The following FHL5 variants were observed in gnomAD, a reference collection of about 807,000 sequenced individuals.
FHL5 encodes four and a half LIM domains protein 5.
In FHL5, 33 loss-of-function variants were observed where a neutral mutation model predicts 32.0. That is an observed-to-expected ratio of 1.03 (90% CI 0.78 to 1.38). FHL5 has a LOEUF of 1.38. Ranked by LOEUF, FHL5 falls within the 40% of genes most tolerant of loss-of-function variation. The probability of loss-of-function intolerance (pLI) is 0.00; values close to 1 mark genes in which losing one functional copy is unlikely to be tolerated. For missense variants in FHL5, 336 were observed against 343.9 expected, an observed-to-expected ratio of 0.98 and a Z score of 0.18; for synonymous variants, 114 against 113.6, an observed-to-expected ratio of 1.00 and a Z score of -0.02.
chr6:96,607,224 T>C (rs893764218), intron 4 of FHL5, among the ~76,000 whole-genome samples: 9 of 152,172 alleles, frequency 5.9e-5, no homozygotes, highest in South Asian at 4.2e-4. Flanking sequence ...AAGTTTAAAA[T>C]GACACCATAA....
intron 1 of FHL5, among the ~76,000 whole-genome samples, chr6:96,596,107 T>G (rs1771028082): frequency 6.6e-6 from 1 of 152,028 alleles, no homozygotes; most frequent in South Asian, 2.1e-4. Context: ...AACTAAAACC[T>G]AAGAGTTTTA....
Position 96,617,151 on chromosome 6 carries a change from A to G in FHL5, c.*1379A>G, listed in dbSNP as rs1339303585. ...CTTGCTACCCCTGGATATTTTCCAC[A>G]TTACTTGGGACAAATGGAAAGCAAC... On this transcript the variant is annotated 3_prime_UTR_variant, in exon 6 of 6. Coordinates refer to ENST00000450218, the MANE Select transcript of FHL5 (RefSeq NM_001322466.2). 6.6e-6 allele frequency among the ~76,000 whole-genome samples: 1 copy of G among 152,196 alleles called. No homozygotes were observed. Among genetic ancestry groups the G allele is most frequent in the Non-Finnish European group, 1.5e-5 (1 of 68,026 alleles).
At chr6:96,599,563 T>G (rs1771108159) in intron 1 of FHL5, among the ~76,000 whole-genome samples, 2 of 152,294 alleles carry the variant, frequency 1.3e-5, no homozygotes, top group South Asian at 4.1e-4. Context: ...CCAAGTCTAT[T>G]CACGCCATTG....
At chr6:96,602,422 G>GTTCC (rs1562062425) in intron 1 of FHL5, among the ~76,000 whole-genome samples, 1 of 26,584 alleles carries the variant, frequency 3.8e-5, no homozygotes, top group African/African-American at 1.1e-4. Context: ...TATATGCGTT[G>GTTCC]TTTCTTTTTT....
Position 96,610,613 on chromosome 6 carries a change from G to A in FHL5, c.546G>A (p.Trp182Ter). The A allele has an allele frequency of 2.5e-6, 4 of 1,613,996 alleles. No homozygotes were observed. The highest frequency in any genetic ancestry group is 2.2e-5 in the East Asian group (1 of 44,872). Residue 182 changes from tryptophan (W) to a stop codon, truncating the protein, a stop_gained, in exon 5 of 6, where the codon TGG (tryptophan) becomes TGA (stop). Coordinates refer to ENST00000450218, the MANE Select transcript of FHL5 (RefSeq NM_001322466.2). LOFTEE classifies it high-confidence loss of function. ...SGGITFCDQL[W>*]HKECFLCSGC... is the part of the protein sequence containing the mutation. ...GGATAACATTTTGTGACCAGCTATG[G>A]CATAAAGAGTGTTTTCTGTGTAGTG...
At chr6:96,606,383 G>A (rs1385550334) in intron 4 of FHL5, among the ~76,000 whole-genome samples, 2 of 151,808 alleles carry the variant, frequency 1.3e-5, no homozygotes, top group African/African-American at 4.8e-5. Context: ...ATGGAATCTC[G>A]CTCTGTCACC....
Position 96,610,708 on chromosome 6 carries a change from A to G in FHL5, c.641A>G (p.Tyr214Cys), listed in dbSNP as rs772393372. Residue 214 changes from tyrosine to cysteine, a missense_variant, in exon 5 of 6, where the codon TAC becomes TGC. Physicochemically the swap from Tyr to Cys is radical, Grantham distance 194. Transcript: ENST00000450218. ...GACTATCCATTCTGCGTGGACTGCT[A>G]CAACCATCTTTATGCCAACAAGTGT... ...RDDYPFCVDC[Y>C]NHLYANKCVA... 1 of 1,613,984 alleles carries G rather than the reference A, an allele frequency of 6.2e-7. No homozygotes were observed. Among genetic ancestry groups the G allele is most frequent in the Non-Finnish European group, 8.5e-7 (1 of 1,179,848 alleles).
intron 1 of FHL5, among the ~76,000 whole-genome samples, chr6:96,564,990 C>A (rs1291416922): frequency 6.6e-6 from 1 of 152,108 alleles, no homozygotes; most frequent in East Asian, 1.9e-4. Flanking sequence ...GGCACGGTGG[C>A]TCACTTCTGT....
rs553638910 is a variant in FHL5, at chr6:96,599,442, A to C, written c.-12-4160A>C. Reference sequence around the variant, plus strand: ...ACTCACGACGTCAGGTGATCTGCCCACCTTGGCCTCCCAAAGTGCTGGGAT... The same window carrying C: ...ACTCACGACGTCAGGTGATCTGCCCCCCTTGGCCTCCCAAAGTGCTGGGAT... On this transcript the variant is annotated intron_variant, in intron 1 of 5. Transcript: ENST00000450218. Among the ~76,000 whole-genome samples, 15 of 152,162 alleles carry C rather than the reference A, an allele frequency of 9.9e-5. No homozygotes were observed. In the East Asian group the frequency reaches 2.7e-3, roughly 27 times the overall value.
At chr6:96,583,541 T>C (rs1050306535) in intron 1 of FHL5, among the ~76,000 whole-genome samples, 22 of 152,174 alleles carry the variant, frequency 1.4e-4, no homozygotes, top group African/African-American at 5.1e-4. Flanking sequence ...GAAAGGCTCA[T>C]GCAGCTCCCA....
chr6:96,611,249 T>A (rs9486708), intron 5 of FHL5, among the ~76,000 whole-genome samples: 1 of 152,166 alleles, frequency 6.6e-6, no homozygotes, highest in African/African-American at 2.4e-5. Context: ...AGGTCAGTAA[T>A]TAATTAAACT....
intron 4 of FHL5, among the ~76,000 whole-genome samples, chr6:96,608,263 G>A (rs1771326052): frequency 1.3e-5 from 2 of 152,146 alleles, no homozygotes; most frequent in African/African-American, 4.8e-5. Context: ...AAGTGCTGAT[G>A]TTTCCCAGGT....
chr6:96,572,865 T>G (rs1770508325), intron 1 of FHL5, among the ~76,000 whole-genome samples: 3 of 152,158 alleles, frequency 2.0e-5, no homozygotes, highest in Non-Finnish European at 4.4e-5. Context: ...ATTTCCTTAT[T>G]CTCTATGTAG....
At chr6:96,606,685 C>G (rs1469970241) in intron 4 of FHL5, among the ~76,000 whole-genome samples, 1 of 152,076 alleles carries the variant, frequency 6.6e-6, no homozygotes, top group African/African-American at 2.4e-5. Flanking sequence ...CTCACGTATT[C>G]TGGGAGAAAG....
intron 4 of FHL5, among the ~76,000 whole-genome samples, chr6:96,608,576 AT>A (rs2127974352): frequency 6.6e-6 from 1 of 152,308 alleles, no homozygotes; most frequent in Middle Eastern, 3.4e-3. Context: ...TTAAACTAAG[AT>A]TTATTTTCTG....
At chr6:96,602,426 CTTTTTT>C (rs1168636713) in intron 1 of FHL5, among the ~76,000 whole-genome samples, 1,080 of 33,620 alleles carry the variant, frequency 0.032, 70 homozygotes, top group Middle Eastern at 0.06. Flanking sequence ...TGCGTTGTTT[CTTTTTT>C]TTTTTTTTTT....
chr6:96,566,909 T>C (rs1770370251), intron 1 of FHL5, among the ~76,000 whole-genome samples: 1 of 152,048 alleles, frequency 6.6e-6, no homozygotes, highest in Non-Finnish European at 1.5e-5. Flanking sequence ...ATGAATAGTT[T>C]GCAAATACTT....
chr6:96,572,682 C>T (rs1323044378), intron 1 of FHL5, among the ~76,000 whole-genome samples: 2 of 152,180 alleles, frequency 1.3e-5, no homozygotes, highest in Non-Finnish European at 2.9e-5. Context: ...GGCAGCTTCA[C>T]CATGTGGGCT....
intron 5 of FHL5, among the ~76,000 whole-genome samples, chr6:96,614,133 T>C (rs1562067030): frequency 6.6e-6 from 1 of 152,222 alleles, no homozygotes; most frequent in African/African-American, 2.4e-5. Context: ...GCTTCTACTT[T>C]TTCTTATTTG....
Sources: allele counts gnomAD v4.1 joint callset (sites outside exome capture counted in the v4.1 genomes callset), GRCh38; gene constraint gnomAD v4.1.1; transcripts MANE v1.5; gene names NCBI Gene and HGNC (gene_info 2026-07-23, HGNC 2026-07-21).